MSRB3: variants seen among roughly 807,000 people sequenced by gnomAD.
MSRB3 encodes methionine-R-sulfoxide reductase B3.
In MSRB3, 13 loss-of-function variants were observed where a neutral mutation model predicts 21.0. The observed-to-expected ratio is 0.62, with a 90% CI of 0.40 to 0.98. The LOEUF is 0.98. Among genes scored for constraint, MSRB3 ranks in the 50% least tolerant of loss-of-function variants. The pLI is 0.00. For synonymous variants in MSRB3, 87 were observed against 88.6 expected (o/e 0.98, Z 0.10); for missense variants, 199 against 230.3 (o/e 0.86, Z 0.88).
intron 5 of MSRB3, among the ~76,000 whole-genome samples, chr12:65,372,974 T>C (rs886113881): frequency 8.5e-5 from 13 of 152,234 alleles, no homozygotes; most frequent in African/African-American, 3.1e-4. Flanking sequence ...CTAACTATAC[T>C]TTCAAAAACC....
chr12:65,304,869 A>G lies in MSRB3; in HGVS notation c.-51-3660A>G, dbSNP rs542317115. Among the ~76,000 whole-genome samples the G allele has an allele frequency of 3.9e-5, 6 of 152,314 alleles. No individual in the cohort carries two copies. The East Asian group carries it at 9.7e-4, about 25-fold the overall frequency. On this transcript the variant is annotated intron_variant, in intron 1 of 6. Transcript: ENST00000308259. Reference sequence around the variant, plus strand: ...TAGTTTGTTTGGTCCTCAAAAGTACATTGTCAACATTTTGAAGTTTTGGTA... The same window carrying G: ...TAGTTTGTTTGGTCCTCAAAAGTACGTTGTCAACATTTTGAAGTTTTGGTA...
chr12:65,352,489 A>G (rs942367053), intron 4 of MSRB3, among the ~76,000 whole-genome samples: 7 of 151,376 alleles, frequency 4.6e-5, no homozygotes, highest in African/African-American at 1.5e-4. Context: ...GAAGGAAATA[A>G]AGGGTATTCA....
At chr12:65,356,325 C>G (rs1877382263) in intron 4 of MSRB3, among the ~76,000 whole-genome samples, 1 of 151,122 alleles carries the variant, frequency 6.6e-6, no homozygotes, top group Non-Finnish European at 1.5e-5. Flanking sequence ...TATTTTTTGC[C>G]TCGGGGCTGG....
At chr12:65,355,299 G>A (rs1018659033) in intron 4 of MSRB3, among the ~76,000 whole-genome samples, 1 of 151,732 alleles carries the variant, frequency 6.6e-6, no homozygotes, top group Non-Finnish European at 1.5e-5. Flanking sequence ...TCAATACATG[G>A]CTGTTCTCAT....
chr12:65,418,036 A>G (rs1178000331), intron 5 of MSRB3, among the ~76,000 whole-genome samples: 1 of 152,100 alleles, frequency 6.6e-6, no homozygotes, highest in Non-Finnish European at 1.5e-5. Context: ...TCTGTTTTCA[A>G]TTTTTTATCA....
intron 4 of MSRB3, among the ~76,000 whole-genome samples, chr12:65,365,342 G>A (rs1877947778): frequency 6.6e-6 from 1 of 152,124 alleles, no homozygotes; most frequent in Admixed American, 6.5e-5. Context: ...GTAACTGAGG[G>A]GGAAGAAAGG....
intron 4 of MSRB3, among the ~76,000 whole-genome samples, chr12:65,330,882 A>G (rs1168196240): frequency 6.6e-6 from 1 of 152,130 alleles, no homozygotes; most frequent in Non-Finnish European, 1.5e-5. Context: ...CTACTAGCCT[A>G]CTTAAGTGAG....
chr12:65,427,880 A>C (rs1881681150), intron 5 of MSRB3, among the ~76,000 whole-genome samples: 1 of 152,168 alleles, frequency 6.6e-6, no homozygotes, highest in South Asian at 2.1e-4. Context: ...TAGGTTCTGG[A>C]GTACAAATTA....
chr12:65,392,709 G>A (rs1879549586), intron 5 of MSRB3, among the ~76,000 whole-genome samples: 2 of 152,116 alleles, frequency 1.3e-5, no homozygotes, highest in Non-Finnish European at 2.9e-5. Flanking sequence ...AAGTAGTTGC[G>A]AGCGTGTAAA....
At chr12:65,408,676 G>A (rs907471006) in intron 5 of MSRB3, among the ~76,000 whole-genome samples, 3 of 152,206 alleles carry the variant, frequency 2.0e-5, no homozygotes, top group African/African-American at 7.2e-5. Context: ...CTGCGCCCTT[G>A]GGCTGTGACT....
intron 5 of MSRB3, among the ~76,000 whole-genome samples, chr12:65,448,429 G>A (rs1882713363): frequency 6.6e-6 from 1 of 152,188 alleles, no homozygotes; most frequent in South Asian, 2.1e-4. Context: ...AAAATAACCT[G>A]AGTATTAAAA....
At chr12:65,402,913 G>T (rs921847698) in intron 5 of MSRB3, among the ~76,000 whole-genome samples, 3 of 152,196 alleles carry the variant, frequency 2.0e-5, no homozygotes, top group African/African-American at 7.2e-5. Context: ...GACCCTGTTT[G>T]CTTGGGTATC....
chr12:65,421,957 C>T (rs930032066), intron 5 of MSRB3, among the ~76,000 whole-genome samples: 3 of 152,144 alleles, frequency 2.0e-5, no homozygotes, highest in Non-Finnish European at 4.4e-5. Flanking sequence ...AGAAACAAGA[C>T]TCAATGGTAT....
intron 5 of MSRB3, among the ~76,000 whole-genome samples, chr12:65,442,338 G>A (rs1882422721): frequency 6.6e-6 from 1 of 151,918 alleles, no homozygotes; most frequent in South Asian, 2.1e-4. Context: ...TTTTTGATAA[G>A]TACCCAACCA....
chr12:65,379,561 T>A (rs980459935), intron 5 of MSRB3, among the ~76,000 whole-genome samples: 1 of 152,166 alleles, frequency 6.6e-6, no homozygotes, highest in Admixed American at 6.5e-5. Context: ...TCTTCTGACT[T>A]CAGTCACCAC....
chr12:65,434,590 G>C (rs1399329033), intron 5 of MSRB3, among the ~76,000 whole-genome samples: 1 of 151,836 alleles, frequency 6.6e-6, no homozygotes, highest in Non-Finnish European at 1.5e-5. Flanking sequence ...ACTTGGAGTT[G>C]TAAAAATTCC....
chr12:65,436,990 A>G (rs1180858389), intron 5 of MSRB3, among the ~76,000 whole-genome samples: 1 of 151,984 alleles, frequency 6.6e-6, no homozygotes, highest in East Asian at 1.9e-4. Context: ...TACACAATAT[A>G]TACGACAATA....
At chr12:65,376,640 T>C (rs1351450693) in intron 5 of MSRB3, among the ~76,000 whole-genome samples, 1 of 147,002 alleles carries the variant, frequency 6.8e-6, no homozygotes, top group African/African-American at 2.5e-5. Flanking sequence ...TGAGAACACA[T>C]GGACACAGGG....
intron 5 of MSRB3, among the ~76,000 whole-genome samples, chr12:65,423,763 A>G (rs1347266717): frequency 6.6e-6 from 1 of 152,152 alleles, no homozygotes; most frequent in African/African-American, 2.4e-5. Flanking sequence ...GAATTTGTAT[A>G]TCTATATTCA....
Sources: allele counts gnomAD v4.1 joint callset (sites outside exome capture counted in the v4.1 genomes callset), GRCh38; gene constraint gnomAD v4.1.1; transcripts MANE v1.5; gene names NCBI Gene and HGNC (gene_info 2026-07-23, HGNC 2026-07-21).